TRIM63: variants seen among roughly 807,000 people sequenced by gnomAD.
The protein encoded by TRIM63 is E3 ubiquitin-protein ligase TRIM63.
TRIM63 carries 48 observed loss-of-function variants against 46.0 expected under a neutral mutation model. That is an observed-to-expected ratio of 1.04 (90% CI 0.83 to 1.33). TRIM63 has a LOEUF of 1.33. Among genes scored for constraint, TRIM63 ranks in the 40% most tolerant of loss-of-function variants. The pLI is 0.00. For missense variants in TRIM63, 455 were observed against 441.2 expected (o/e 1.03, Z -0.28); for synonymous variants, 175 against 162.8 (o/e 1.08, Z -0.57).
At position 26,067,536 on chromosome 1, in the gene TRIM63, A is replaced by G; in HGVS notation, c.-42T>C. On this transcript the variant is annotated 5_prime_UTR_variant, in exon 1 of 9. Coordinates refer to ENST00000374272, the MANE Select transcript of TRIM63 (RefSeq NM_032588.4). ...AGAGCCACGCCTAGCTGCCTCCTCT[A>G]CTAACTTTGCTCTAAGTAGACCTGG... The G allele has an allele frequency of 6.2e-7, 1 of 1,607,202 alleles. No individual in the cohort carries two copies. The highest frequency in any genetic ancestry group is 1.3e-5 in the African/African-American group (1 of 74,954).
intron 2 of TRIM63, among the ~76,000 whole-genome samples, chr1:26,063,192 C>T (rs1307218297): frequency 6.6e-6 from 1 of 152,136 alleles, no homozygotes; most frequent in Non-Finnish European, 1.5e-5. Context: ...ACCTCAGTCT[C>T]CCCAGTAGCT....
At chr1:26,063,770 T>C (rs1432935894) in intron 2 of TRIM63, among the ~76,000 whole-genome samples, 1 of 152,246 alleles carries the variant, frequency 6.6e-6, no homozygotes, top group African/African-American at 2.4e-5. Context: ...ATAATGAATG[T>C]AGAGTGCCCG....
intron 8 of TRIM63, among the ~76,000 whole-genome samples, chr1:26,053,543 G>GA (rs1333703995): frequency 1.3e-5 from 2 of 152,162 alleles, no homozygotes; most frequent in Non-Finnish European, 2.9e-5. Flanking sequence ...TTGTTTGTTT[G>GA]TTTGTTTGTT....
chr1:26,052,002 C>T (rs2050527037), intron 8 of TRIM63, 119 bp from the exon 9 acceptor site: 1 of 826,018 alleles, frequency 1.2e-6, no homozygotes, highest in Non-Finnish European at 1.7e-6. Context: ...AACTCCAATT[C>T]CTCCCGGTCT....
At chr1:26,066,896 A>G (rs1321590431) in intron 1 of TRIM63, among the ~76,000 whole-genome samples, 1 of 151,286 alleles carries the variant, frequency 6.6e-6, no homozygotes, top group Non-Finnish European at 1.5e-5. Context: ...CTGCCCCCAT[A>G]TCATAGGGAA....
chr1:26,061,135 G>A, intron 3 of TRIM63, 31 bp downstream of exon 3: 1 of 1,606,706 alleles, frequency 6.2e-7, no homozygotes, highest in Non-Finnish European at 8.5e-7. Flanking sequence ...AGCAGGCCCA[G>A]GCTGGGGGTA....
Position 26,061,348 on chromosome 1 carries a change from C to T in TRIM63, c.333-14G>A. The stretch of plus-strand genomic sequence containing the variant: ...TGCAGCGGCCGACTGCAGTGGAGAA[C>T]AGTCACAAGTCATGGGGGTCCTGTG... On this transcript the variant is annotated splice_polypyrimidine_tract_variant and intron_variant, in intron 2 of 8. Coordinates refer to ENST00000374272, the MANE Select transcript of TRIM63 (RefSeq NM_032588.4). 1.2e-6 allele frequency: 2 copies of T among 1,612,678 alleles called. No homozygotes were observed. Among genetic ancestry groups the T allele is most frequent in the South Asian group, 1.1e-5 (1 of 90,960 alleles).
Position 26,058,642 on chromosome 1 carries a change from T to G in TRIM63, c.598-19A>C. ...TGTTCTCCTGAGGACGGAAGTCTTG[T>G]GGTCACGTTCTGTAGGGTCTTTATT... On this transcript the variant is annotated intron_variant, in intron 4 of 8. Transcript: ENST00000374272. 6.2e-7 allele frequency: 1 copy of G among 1,610,406 alleles called. No individual in the cohort carries two copies. Among genetic ancestry groups the G allele is most frequent in the Non-Finnish European group, 8.5e-7 (1 of 1,176,922 alleles).
At chr1:26,063,396 A>G (rs2124442454) in intron 2 of TRIM63, among the ~76,000 whole-genome samples, 1 of 152,326 alleles carries the variant, frequency 6.6e-6, no homozygotes, top group African/African-American at 2.4e-5. Flanking sequence ...GCCTTACATG[A>G]CTGATCACAC....
chr1:26,061,993 C>T (rs536217346), intron 2 of TRIM63, among the ~76,000 whole-genome samples: 78 of 152,174 alleles, frequency 5.1e-4, no homozygotes, highest in African/African-American at 1.7e-3. Context: ...TAAGGCTGGG[C>T]GCAGTGGCTC....
intron 8 of TRIM63, among the ~76,000 whole-genome samples, chr1:26,053,259 A>G (rs986359467): frequency 2.0e-5 from 3 of 150,684 alleles, no homozygotes; most frequent in Non-Finnish European, 3.0e-5. Context: ...GTATTTATTT[A>G]TTTATTTTTT....
At chr1:26,061,050 G>A (rs2050620964) in intron 3 of TRIM63, 116 bp downstream of exon 3, 3 of 1,195,498 alleles carry the variant, frequency 2.5e-6, no homozygotes, top group Non-Finnish European at 3.5e-6. Context: ...TCCCTCCAGA[G>A]AGACTATTCC....
chr1:26,063,612 C>T lies in TRIM63; in HGVS notation c.333-2278G>A, dbSNP rs990765874. 1.3e-5 allele frequency among the ~76,000 whole-genome samples: 2 copies of T among 152,190 alleles called. 1 individual carries two copies. The highest frequency in any genetic ancestry group is 4.1e-4 in the South Asian group (2 of 4,830). ...TGCGCCCGCAGCCCTCCCAGATGCC[C>T]ACCCTCCCAAGCTCAGACTTTGGCA... On this transcript the variant is annotated intron_variant, in intron 2 of 8. Transcript: ENST00000374272.
intron 3 of TRIM63, 106 bp downstream of exon 3, chr1:26,061,060 C>T (rs2050621050): frequency 5.4e-6 from 7 of 1,300,674 alleles, no homozygotes; most frequent in Non-Finnish European, 4.2e-6. Flanking sequence ...GAGACTATTC[C>T]TGAAAGGCCA....
rs1253820128 is a variant in TRIM63, at chr1:26,051,662, C to G, written c.*211G>C. On this transcript the variant is annotated 3_prime_UTR_variant, in exon 9 of 9. Coordinates refer to ENST00000374272, the MANE Select transcript of TRIM63 (RefSeq NM_032588.4). ...GTGTCCTGTGTGATTGTTTCAAGCA[C>G]GTTTCCAATTCTGGTTCAGTGTCTG... The G allele has an allele frequency of 2.5e-6, 1 of 407,040 alleles. No homozygotes were observed. Among genetic ancestry groups the G allele is most frequent in the African/African-American group, 2.1e-5 (1 of 48,512 alleles). 25.2% of individuals were successfully genotyped at this position (407,040 alleles called of 1,614,324 possible).
intron 7 of TRIM63, 64 bp from the exon 8 acceptor site, chr1:26,054,028 A>G (rs748700885): frequency 1.3e-5 from 16 of 1,234,954 alleles, no homozygotes; most frequent in Non-Finnish European, 1.1e-5. Flanking sequence ...TTGAAGAGGA[A>G]CCAGGCAAGA....
In TRIM63 at chr1:26,060,358, C is replaced by T; in HGVS notation, c.505G>A (p.Glu169Lys). 6.2e-7 allele frequency: 1 copy of T among 1,613,636 alleles called. No homozygotes were observed. Among genetic ancestry groups the T allele is most frequent in the Non-Finnish European group, 8.5e-7 (1 of 1,179,738 alleles). ...AGCATGGAGATACAGTTATTCAGTT[C>T]AGTCTAGATGGGGGTGTGGGGGTCA... ...LQSVFQGQKTELNNCISMLVA... is the reference protein window; with the variant it reads ...LQSVFQGQKTKLNNCISMLVA... Residue 169 changes from glutamate to lysine, a missense_variant, in exon 4 of 9, where the codon GAA becomes AAA. Coordinates refer to ENST00000374272, the MANE Select transcript of TRIM63 (RefSeq NM_032588.4).
chr1:26,051,643 T>C lies in TRIM63; in HGVS notation c.*230A>G. On this transcript the variant is annotated 3_prime_UTR_variant, in exon 9 of 9. Transcript: ENST00000374272. Reference sequence around the variant, plus strand: ...TTTGCACCAATGTAGAAAAGTGTCCTGTGTGATTGTTTCAAGCACGTTTCC... The same window carrying C: ...TTTGCACCAATGTAGAAAAGTGTCCCGTGTGATTGTTTCAAGCACGTTTCC... 1 of 400,750 alleles carries C rather than the reference T, an allele frequency of 2.5e-6. No homozygotes were observed. Among genetic ancestry groups the C allele is most frequent in the Non-Finnish European group, 4.5e-6 (1 of 220,190 alleles). 24.8% of individuals were successfully genotyped at this position (400,750 alleles called of 1,614,324 possible).
intron 2 of TRIM63, among the ~76,000 whole-genome samples, chr1:26,063,552 G>A (rs1399451553): frequency 6.6e-6 from 1 of 152,226 alleles, no homozygotes; most frequent in Admixed American, 6.5e-5. Flanking sequence ...GGCAGGGAGT[G>A]CAGAGGTGAG....
Sources: allele counts gnomAD v4.1 joint callset (sites outside exome capture counted in the v4.1 genomes callset), GRCh38; gene constraint gnomAD v4.1.1; transcripts MANE v1.5; gene names NCBI Gene and HGNC (gene_info 2026-07-23, HGNC 2026-07-21).